The following CCDC24 variants were observed in gnomAD, a reference collection of about 807,000 sequenced individuals.
CCDC24 encodes the protein coiled-coil domain-containing protein 24.
In CCDC24, 34 loss-of-function variants were observed where a neutral mutation model predicts 31.6. That is an observed-to-expected ratio of 1.08 (90% confidence interval 0.82 to 1.43). The LOEUF is 1.43. Ranked by LOEUF, CCDC24 falls within the 40% of genes most tolerant of loss-of-function variation. The pLI is 0.00. For missense variants in CCDC24, 426 were observed against 391.1 expected, an observed-to-expected ratio of 1.09 and a Z score of -0.75; for synonymous variants, 175 against 157.3, an observed-to-expected ratio of 1.11 and a Z score of -0.84.
chr1:43,996,239 G>A lies in CCDC24; in HGVS notation c.*79G>A, dbSNP rs2085856580. 5 of 1,309,598 alleles carry A rather than the reference G, an allele frequency of 3.8e-6. No homozygotes were observed. In the East Asian group the frequency reaches 1.3e-4, roughly 33 times the overall value. The allele number at this position is 1,309,598 out of a possible 1,614,324, so 81.1% of individuals were successfully genotyped here. A position where few individuals can be genotyped will look rare whatever the true frequency, so the allele number is the denominator to read the frequency against. ...CTGCCGCCTCAGCTGCTTTGGCCCA[G>A]CCAGCTTCAGATCTGGTCTTGGCGA... On this transcript the variant is annotated 3_prime_UTR_variant, in exon 9 of 9. Transcript: ENST00000372318.
At chr1:43,994,914 C>G (rs965752225) in intron 5 of CCDC24, 194 bp from the exon 6 acceptor site, 12 of 596,564 alleles carry the variant, frequency 2.0e-5, no homozygotes, top group Non-Finnish European at 3.6e-5. Flanking sequence ...AAGATACTTC[C>G]TGCCCAGAAA....
In CCDC24 at chr1:43,992,539, T is replaced by A. The variant is rs1192256526; in HGVS notation, c.319T>A (p.Trp107Arg). The A allele has an allele frequency of 2.5e-6, 4 of 1,614,218 alleles. No individual in the cohort carries two copies. In the East Asian group the frequency reaches 6.7e-5, roughly 27 times the overall value. Residue 107 changes from tryptophan (W) to arginine (R), a missense_variant, in exon 4 of 9, where the codon TGG becomes AGG. Trp to Arg is a moderately radical substitution (Grantham distance 101). Coordinates refer to ENST00000372318, the MANE Select transcript of CCDC24 (RefSeq NM_152499.4). Reference sequence around the variant, plus strand: ...CTTCTGCAGGGACCAGGCCCAAGCTTGGGTCCAGTATAGCCCCAGGGTCCT... The same window carrying A: ...CTTCTGCAGGGACCAGGCCCAAGCTAGGGTCCAGTATAGCCCCAGGGTCCT... ...ICEGRDQAQA[W>R]VQYSPRVLHF...
chr1:43,992,155 C>T (rs770380366), intron 2 of CCDC24, 57 bp from the exon 3 acceptor site: 1 of 1,551,942 alleles, frequency 6.4e-7, no homozygotes, highest in Admixed American at 1.8e-5. Context: ...TCCCCCAGCC[C>T]CCACCATTCC....
Position 43,994,110 on chromosome 1 carries a change from C to T in CCDC24, c.497+146C>T. 2.8e-6 allele frequency: 2 copies of T among 713,630 alleles called. 1 individual carries two copies. The allele number at this position is 713,630 out of a possible 1,614,324, so 44.2% of individuals were successfully genotyped here. On this transcript the variant is annotated intron_variant, in intron 5 of 8. Coordinates refer to ENST00000372318, the MANE Select transcript of CCDC24 (RefSeq NM_152499.4). ...AAGGCTGAGAGGTGGAAAGAGCTGG[C>T]TGCTATAGAGCTAGTGAGGTTGCTT...
In CCDC24 at chr1:43,992,507, T is replaced by A. The variant is rs753839836; in HGVS notation, c.303-16T>A. On this transcript the variant is annotated splice_polypyrimidine_tract_variant and intron_variant, in intron 3 of 8. Transcript: ENST00000372318. ...GAAAGGAGCCTCTCAGCTTCCTTCC[T>A]GTGCACCTTCTGCAGGGACCAGGCC... 2.5e-6 allele frequency: 4 copies of A among 1,614,128 alleles called. No homozygotes were observed. The African/African-American group carries it at 5.3e-5, about 22-fold the overall frequency.
rs762726501 is a variant in CCDC24, at chr1:43,995,993, G to T, written c.757G>T (p.Gly253Trp). The T allele has an allele frequency of 6.2e-7, 1 of 1,614,164 alleles. No individual in the cohort carries two copies. Among genetic ancestry groups the T allele is most frequent in the Admixed American group, 1.7e-5 (1 of 60,028 alleles). ...CCTCAGACCCCCGCTTCCCCTCTGCGGGGTTGCACCTCTCCAGTGCTGCCT... is the reference window on the plus strand; with the variant it reads ...CCTCAGACCCCCGCTTCCCCTCTGCTGGGTTGCACCTCTCCAGTGCTGCCT... ...QGLRPPLPLCGVAPLQCCLPA... is the reference protein window; with the variant it reads ...QGLRPPLPLCWVAPLQCCLPA... The change falls in exon 9 of 9, where the codon GGG becomes TGG. Residue 253 changes from glycine (G) to tryptophan (W), a missense_variant. By Grantham distance (184) the Gly-to-Trp change is radical (BLOSUM62 -2). Coordinates refer to ENST00000372318, the MANE Select transcript of CCDC24 (RefSeq NM_152499.4). This position sits in a 1 kb window ranked among gnomAD's most constrained non-coding sequence, Gnocchi z 4.3.
At chr1:43,993,212 G>A (rs1231469679) in intron 4 of CCDC24, among the ~76,000 whole-genome samples, 7 of 152,098 alleles carry the variant, frequency 4.6e-5, no homozygotes, top group Admixed American at 1.3e-4. Context: ...AGGCTGAGGC[G>A]GGAGGATGGC....
chr1:43,994,328 A>G (rs1169880322), intron 5 of CCDC24: 2 of 245,012 alleles, frequency 8.2e-6, no homozygotes, highest in Non-Finnish European at 1.6e-5. Context: ...GCACGCCTGT[A>G]CCAGTTACTT....
At position 43,993,779 on chromosome 1, in the gene CCDC24, T is replaced by C. The variant is rs547321720; in HGVS notation, c.420-108T>C. The C allele has an allele frequency of 2.0e-5, 21 of 1,040,326 alleles. No homozygotes were observed. The East Asian group carries it at 4.8e-4, about 24-fold the overall frequency. 64.4% of individuals were successfully genotyped at this position (1,040,326 alleles called of 1,614,324 possible). On this transcript the variant is annotated intron_variant, in intron 4 of 8. Coordinates refer to ENST00000372318, the MANE Select transcript of CCDC24 (RefSeq NM_152499.4). ...TCCCAAACTCTTACTCTTTGCACTA[T>C]ATTATATTGCCTTTGTGAGAAAAGA...
chr1:43,993,253 C>T (rs1204804528), intron 4 of CCDC24, among the ~76,000 whole-genome samples: 1 of 149,642 alleles, frequency 6.7e-6, no homozygotes, highest in Non-Finnish European at 1.5e-5. Context: ...TCAGCCTGGG[C>T]AATACAGGGA....
chr1:43,995,950 G>C lies in CCDC24; in HGVS notation c.714G>C (p.Leu238Phe), dbSNP rs778082235. 3.1e-6 allele frequency: 5 copies of C among 1,614,072 alleles called. No individual in the cohort carries two copies. The South Asian group carries it at 5.5e-5, about 18-fold the overall frequency. Residue 238 changes from leucine (L) to phenylalanine (F), a missense_variant, in exon 9 of 9, where the codon TTG becomes TTC. Leu to Phe is a conservative substitution (Grantham distance 22). Transcript: ENST00000372318. The surrounding 1 kb of genome is among the most constrained non-coding windows in gnomAD (Gnocchi z 4.3). ...CVSPNHRQRP[L>F]GSSTQGLRPP... ...CTTTCTTGTCCAGGCAGCGGCCCTT[G>C]GGGTCCTCCACACAGGGCCTCAGAC...
At chr1:43,992,703 G>C in intron 4 of CCDC24, 64 bp downstream of exon 4, 2 of 1,457,270 alleles carry the variant, frequency 1.4e-6, no homozygotes, top group South Asian at 2.3e-5. Flanking sequence ...CCCACTGGTG[G>C]GTTGCACCTG....
chr1:43,994,052 G>T lies in CCDC24; in HGVS notation c.497+88G>T. The T allele has an allele frequency of 2.5e-6, 3 of 1,214,430 alleles. No homozygotes were observed. The South Asian group carries it at 3.8e-5, about 15-fold the overall frequency. 75.2% of individuals were successfully genotyped at this position (1,214,430 alleles called of 1,614,324 possible). ...TGCTGGGATTGTGAGACAGGAGGTG[G>T]GTAGTATACTTGGCGGGGAGGCCCA... On this transcript the variant is annotated intron_variant, in intron 5 of 8. Transcript: ENST00000372318.
chr1:43,992,634 G>A lies in CCDC24; in HGVS notation c.414G>A (p.Gly138=). 1 of 1,614,046 alleles carries A rather than the reference G, an allele frequency of 6.2e-7. No homozygotes were observed. Among genetic ancestry groups the A allele is most frequent in the Non-Finnish European group, 8.5e-7 (1 of 1,179,890 alleles). The change falls in exon 4 of 9, where the codon GGG becomes GGA. Residue 138 remains glycine, a synonymous_variant. Coordinates refer to ENST00000372318, the MANE Select transcript of CCDC24 (RefSeq NM_152499.4). ...EQEIFQMRGG[G]PSSGHRDLSI... Reference sequence around the variant, plus strand: ...AGATATTCCAGATGAGAGGTGGTGGGCCCAGGTAAGGTGATGGTAGGAGAG... The same window carrying A: ...AGATATTCCAGATGAGAGGTGGTGGACCCAGGTAAGGTGATGGTAGGAGAG...
intron 4 of CCDC24, among the ~76,000 whole-genome samples, chr1:43,993,296 T>G (rs1277575614): frequency 8.9e-6 from 1 of 112,552 alleles, no homozygotes. Context: ...AAAAAAAAAA[T>G]AGTCAGGTGA....
At chr1:43,994,442 CTTTT>C (rs1553157967) in intron 5 of CCDC24, 3 of 143,162 alleles carry the variant, frequency 2.1e-5, no homozygotes, top group Admixed American at 1.4e-4. Context: ...TTCTTTCTTT[CTTTT>C]TTTTTTTTTT....
rs2085765061 is a variant in CCDC24 at position 43,992,528 on chromosome 1, A to G, written c.308A>G (p.Gln103Arg). 1 of 1,614,098 alleles carries G rather than the reference A, an allele frequency of 6.2e-7. No individual in the cohort carries two copies. The highest frequency in any genetic ancestry group is 1.3e-5 in the African/African-American group (1 of 74,930). Reference sequence around the variant, plus strand: ...TTCCTGTGCACCTTCTGCAGGGACCAGGCCCAAGCTTGGGTCCAGTATAGC... The same window carrying G: ...TTCCTGTGCACCTTCTGCAGGGACCGGGCCCAAGCTTGGGTCCAGTATAGC... ...RHKAICEGRD[Q>R]AQAWVQYSPR... Residue 103 changes from glutamine (Q) to arginine (R), a missense_variant, in exon 4 of 9, where the codon CAG becomes CGG. Physicochemically the swap from Gln to Arg is conservative, Grantham distance 43 (BLOSUM62 1). Transcript: ENST00000372318.
In CCDC24 at chr1:43,996,000, C is replaced by T; in HGVS notation, c.764C>T (p.Ala255Val). ...LRPPLPLCGV[A>V]PLQCCLPAPP... ...CCCCCGCTTCCCCTCTGCGGGGTTGCACCTCTCCAGTGCTGCCTGCCTGCA... is the reference window on the plus strand; with the variant it reads ...CCCCCGCTTCCCCTCTGCGGGGTTGTACCTCTCCAGTGCTGCCTGCCTGCA... The change falls in exon 9 of 9, where the codon GCA (alanine) becomes GTA (valine). Residue 255 changes from alanine to valine, a missense_variant. By Grantham distance (64) the Ala-to-Val change is moderately conservative. Transcript: ENST00000372318. This position sits in a 1 kb window ranked among gnomAD's most constrained non-coding sequence, Gnocchi z 4.3. 8 of 1,614,190 alleles carry T rather than the reference C, an allele frequency of 5.0e-6. No individual in the cohort carries two copies. The highest frequency in any genetic ancestry group is 5.9e-6 in the Non-Finnish European group (7 of 1,180,024).
intron 2 of CCDC24, 96 bp from the exon 3 acceptor site, chr1:43,992,116 C>T (rs2085755886): frequency 2.6e-6 from 4 of 1,514,538 alleles, no homozygotes; most frequent in Non-Finnish European, 3.6e-6. Flanking sequence ...CTATCCTGGT[C>T]TCCCCTTTGA....
Sources: allele counts gnomAD v4.1 joint callset (sites outside exome capture counted in the v4.1 genomes callset), GRCh38; gene constraint gnomAD v4.1.1; non-coding constraint Gnocchi (gnomAD v3.1); transcripts MANE v1.5; gene names NCBI Gene and HGNC (gene_info 2026-07-23, HGNC 2026-07-21).